SOX5: variants seen among roughly 807,000 people sequenced by gnomAD.
SOX5 encodes the protein SRY-box transcription factor 5, also known as transcription factor SOX-5.
In SOX5, 9 loss-of-function variants were observed where a neutral mutation model predicts 92.0. That is an observed-to-expected ratio of 0.10 (90% CI 0.06 to 0.17). The LOEUF is 0.17. Among genes scored for constraint, SOX5 ranks in the 10% least tolerant of loss-of-function variants. The pLI is 1.00. For synonymous variants in SOX5, 344 were observed against 336.3 expected, an observed-to-expected ratio of 1.02 and a Z score of -0.25; for missense variants, 642 against 944.5, an observed-to-expected ratio of 0.68 and a Z score of 4.20.
At chr12:24,363,129 A>G (rs1251443258) in intron 2 of SOX5, among the ~76,000 whole-genome samples, 9 of 152,092 alleles carry the variant, frequency 5.9e-5, no homozygotes, top group Non-Finnish European at 1.2e-4. Flanking sequence ...ATGAAAATTC[A>G]CCTGTGAAAT....
At chr12:23,709,566 G>A (rs1390520307) in intron 6 of SOX5, among the ~76,000 whole-genome samples, 1 of 152,202 alleles carries the variant, frequency 6.6e-6, no homozygotes, top group Non-Finnish European at 1.5e-5. Context: ...TCCTACGAGA[G>A]CCGCTTTAAT....
chr12:24,525,250 C>CTT (rs1464381907), intron 1 of SOX5, among the ~76,000 whole-genome samples: 3 of 152,126 alleles, frequency 2.0e-5, no homozygotes, highest in Admixed American at 1.3e-4. Flanking sequence ...ATAAATGAAC[C>CTT]TTAAGCACAT....
intron 2 of SOX5, among the ~76,000 whole-genome samples, chr12:23,854,620 A>G (rs1208525436): frequency 6.6e-6 from 1 of 152,014 alleles, no homozygotes; most frequent in Non-Finnish European, 1.5e-5. Context: ...CATTCACTCT[A>G]TTTTCTCTTT....
intron 4 of SOX5, among the ~76,000 whole-genome samples, chr12:23,977,113 A>G (rs1217627245): frequency 6.6e-6 from 1 of 152,208 alleles, no homozygotes; most frequent in Non-Finnish European, 1.5e-5. Context: ...AACTAGAGAC[A>G]ATAATAAGAC....
At chr12:24,225,716 G>T (rs1219417874) in intron 3 of SOX5, among the ~76,000 whole-genome samples, 2 of 152,100 alleles carry the variant, frequency 1.3e-5, no homozygotes, top group Admixed American at 6.5e-5. Flanking sequence ...TCCTATGATG[G>T]TGTTATATTT....
chr12:24,002,983 T>C (rs148908918), intron 4 of SOX5, among the ~76,000 whole-genome samples: 43 of 152,202 alleles, frequency 2.8e-4, no homozygotes, highest in African/African-American at 6.5e-4. Context: ...GTGGAATTTA[T>C]CCCAGAATAA....
In SOX5 at chr12:23,895,009, T is replaced by C. The variant is rs183541425; in HGVS notation, c.270+784A>G. On this transcript the variant is annotated intron_variant, in intron 2 of 14. Transcript: ENST00000451604. Reference sequence around the variant, plus strand: ...CACTACCTTCTTAACATTATGATTCTATGTATTTAAGTTGCTAAGAAGGAC... The same window carrying C: ...CACTACCTTCTTAACATTATGATTCCATGTATTTAAGTTGCTAAGAAGGAC... 2.6e-5 allele frequency among the ~76,000 whole-genome samples: 4 copies of C among 152,228 alleles called. No homozygotes were observed. The East Asian group carries it at 5.8e-4, about 22-fold the overall frequency.
At chr12:24,053,932 G>A (rs1957847186) in intron 4 of SOX5, among the ~76,000 whole-genome samples, 1 of 152,184 alleles carries the variant, frequency 6.6e-6, no homozygotes, top group Non-Finnish European at 1.5e-5. Context: ...GAGGATAAGT[G>A]ACTTGCGCAA....
At chr12:23,636,792 G>A (rs1314996517) in intron 8 of SOX5, among the ~76,000 whole-genome samples, 1 of 152,118 alleles carries the variant, frequency 6.6e-6, no homozygotes, top group Non-Finnish European at 1.5e-5. Context: ...CTGGTTATGA[G>A]TTACCAAATG....
intron 2 of SOX5, among the ~76,000 whole-genome samples, chr12:24,337,478 C>A (rs757480237): frequency 6.6e-6 from 1 of 151,912 alleles, no homozygotes; most frequent in African/African-American, 2.4e-5. Flanking sequence ...GTAGCTGGGA[C>A]TACAGGTGTG....
chr12:23,907,184 G>A (rs1333227134), intron 1 of SOX5, among the ~76,000 whole-genome samples: 2 of 152,276 alleles, frequency 1.3e-5, no homozygotes, highest in East Asian at 1.9e-4. Context: ...GTGTGCATGT[G>A]TGTATGTGTG....
At position 23,613,975 on chromosome 12, in the gene SOX5, A is replaced by C. The variant is rs545039444; in HGVS notation, c.1018-9442T>G. Reference sequence around the variant, plus strand: ...GGTCTCCTTGCAGCTCCATGTCAAAACCTGGTGGCCCAAGGACAGCAGGTT... The same window carrying C: ...GGTCTCCTTGCAGCTCCATGTCAAACCCTGGTGGCCCAAGGACAGCAGGTT... On this transcript the variant is annotated intron_variant, in intron 8 of 14. Coordinates refer to ENST00000451604, the MANE Select transcript of SOX5 (RefSeq NM_006940.6). Among the ~76,000 whole-genome samples the C allele has an allele frequency of 5.3e-5, 8 of 152,136 alleles. No homozygotes were observed. In the South Asian group the frequency reaches 1.7e-3, roughly 32 times the overall value.
intron 4 of SOX5, among the ~76,000 whole-genome samples, chr12:24,129,219 T>C (rs1488827947): frequency 6.6e-6 from 1 of 152,208 alleles, no homozygotes; most frequent in East Asian, 1.9e-4. Context: ...ACCTTTTCAT[T>C]TGAATAAACC....
chr12:24,162,637 G>A (rs1233320455), intron 4 of SOX5, among the ~76,000 whole-genome samples: 8 of 152,140 alleles, frequency 5.3e-5, no homozygotes, highest in African/African-American at 1.7e-4. Context: ...CCACGATCGT[G>A]TGAATATTAT....
At chr12:23,841,400 T>G (rs1568248950) in intron 3 of SOX5, among the ~76,000 whole-genome samples, 2 of 152,078 alleles carry the variant, frequency 1.3e-5, no homozygotes, top group Non-Finnish European at 2.9e-5. Context: ...GTCTGGCAGT[T>G]TCTCCCAAGG....
chr12:23,801,291 A>G (rs2095655215), intron 3 of SOX5, among the ~76,000 whole-genome samples: 1 of 152,130 alleles, frequency 6.6e-6, no homozygotes, highest in Non-Finnish European at 1.5e-5. Flanking sequence ...ATAGAAGAGA[A>G]AGAAAAGGAG....
At chr12:23,938,970 A>G (rs1459967881) in intron 1 of SOX5, among the ~76,000 whole-genome samples, 1 of 151,090 alleles carries the variant, frequency 6.6e-6, no homozygotes, top group Non-Finnish European at 1.5e-5. Context: ...ATCATTTTAC[A>G]TTTGCCAAAA....
chr12:23,689,706 T>G (rs896774802), intron 6 of SOX5, among the ~76,000 whole-genome samples: 3 of 151,934 alleles, frequency 2.0e-5, no homozygotes, highest in Non-Finnish European at 2.9e-5. Context: ...GATACGAAGA[T>G]GAGGAAAATG....
intron 3 of SOX5, among the ~76,000 whole-genome samples, chr12:24,252,978 G>T (rs1940440643): frequency 6.6e-6 from 1 of 152,178 alleles, no homozygotes; most frequent in Non-Finnish European, 1.5e-5. Context: ...TGGGCACAGT[G>T]AGGATTACAT....
Sources: gnomAD v4.1 joint callset for allele counts (sites outside exome capture counted in the v4.1 genomes callset) on GRCh38, gnomAD v4.1.1 for gene constraint, MANE v1.5 for transcripts, NCBI Gene and HGNC (gene_info 2026-07-23, HGNC 2026-07-21) for gene names.